Variants in ABR observed in about 807,000 individuals in gnomAD.
The protein encoded by ABR is ABR activator of RhoGEF and GTPase.
A neutral mutation model predicts 107.2 loss-of-function variants in ABR; 35 were observed. The observed-to-expected ratio is 0.33, with a 90% CI of 0.25 to 0.43. The LOEUF (loss-of-function observed/expected upper bound fraction) is 0.43. Among genes scored for constraint, ABR ranks in the 20% least tolerant of loss-of-function variants. The pLI, the probability that ABR is intolerant of heterozygous loss-of-function variation, is 1.00. For missense variants in ABR, 815 were observed against 1,115.2 expected (o/e 0.73, Z 3.83); for synonymous variants, 498 against 462.0 (o/e 1.08, Z -1.00).
At chr17:1,107,210 T>C (rs2038313533) in intron 2 of ABR, among the ~76,000 whole-genome samples, 1 of 152,194 alleles carries the variant, frequency 6.6e-6, no homozygotes, top group Non-Finnish European at 1.5e-5. Context: ...AGCAGCGTTT[T>C]CAGGTGTGAC....
chr17:1,125,393 C>T (rs774374815), intron 1 of ABR, 26 bp from the exon 2 acceptor site: 146 of 1,609,580 alleles, frequency 9.1e-5, no homozygotes, highest in Non-Finnish European at 1.2e-4. Flanking sequence ...AGAAAGGCCA[C>T]TGAGAATCCT....
intron 4 of ABR, among the ~76,000 whole-genome samples, chr17:1,086,502 C>CA (rs2036600316): frequency 7.1e-6 from 1 of 140,578 alleles, no homozygotes; most frequent in East Asian, 2.0e-4. Flanking sequence ...TACTTATACA[C>CA]TTTTTTTTTT....
In ABR at chr17:1,011,843, C is replaced by CA; in HGVS notation, c.2101+2dup. 1 of 1,570,130 alleles carries CA rather than the reference C, an allele frequency of 6.4e-7. No individual in the cohort carries two copies. Among genetic ancestry groups the CA allele is most frequent in the Non-Finnish European group, 8.7e-7 (1 of 1,150,678 alleles). On this transcript the variant is annotated splice_region_variant and intron_variant, in intron 19 of 22. Transcript: ENST00000302538. The surrounding 1 kb of genome is among the most constrained non-coding windows in gnomAD (Gnocchi z 4.8). ...CTGCCCCGGCTGGGCCTCCCAGACTCACTGGCATCGAAGACGGCCTTGAGC... is the reference window on the plus strand; with the variant it reads ...CTGCCCCGGCTGGGCCTCCCAGACTCAACTGGCATCGAAGACGGCCTTGAGC...
intron 1 of ABR, among the ~76,000 whole-genome samples, chr17:1,220,385 G>T (rs2043098246): frequency 6.6e-6 from 1 of 152,160 alleles, no homozygotes; most frequent in Non-Finnish European, 1.5e-5. Flanking sequence ...GTTATCTCAG[G>T]CCGACTGTAG....
intron 1 of ABR, among the ~76,000 whole-genome samples, chr17:1,159,018 G>A (rs970690474): frequency 2.5e-4 from 38 of 152,330 alleles, no homozygotes; most frequent in African/African-American, 7.7e-4. Flanking sequence ...TCATGCTTTC[G>A]TGCCTTGGAC....
intron 2 of ABR, among the ~76,000 whole-genome samples, chr17:1,101,474 C>T (rs2589487): frequency 0.4 from 61,121 of 151,984 alleles, 12,662 homozygotes; most frequent in East Asian, 0.54. Flanking sequence ...CCCTCTCTTC[C>T]TCTCCTCCTG....
chr17:1,013,188 G>C, intron 16 of ABR, 24 bp from the exon 17 acceptor site: 1 of 1,612,226 alleles, frequency 6.2e-7, no homozygotes, highest in East Asian at 2.2e-5. Flanking sequence ...ATGTGGGTGA[G>C]AGAGGTGCCA....
intron 2 of ABR, among the ~76,000 whole-genome samples, chr17:1,110,191 C>T (rs1356593975): frequency 6.6e-6 from 1 of 152,104 alleles, no homozygotes; most frequent in East Asian, 1.9e-4. Flanking sequence ...GCAGAACCCC[C>T]AACTGTGCAG....
chr17:1,083,052 G>A (rs1441225931), intron 5 of ABR, among the ~76,000 whole-genome samples: 1 of 151,042 alleles, frequency 6.6e-6, no homozygotes, highest in East Asian at 1.9e-4. Flanking sequence ...TGAACCCAGG[G>A]GGTAGAGGTT....
intron 1 of ABR, among the ~76,000 whole-genome samples, chr17:1,141,350 T>C (rs2040276746): frequency 6.6e-6 from 1 of 152,152 alleles, no homozygotes; most frequent in South Asian, 2.1e-4. Flanking sequence ...GCAGAGGCTT[T>C]GGAATCACAC....
Position 1,037,984 on chromosome 17 carries a change from C to T in ABR, c.1791+12066G>A, listed in dbSNP as rs1445552180. On this transcript the variant is annotated intron_variant, in intron 16 of 22. Coordinates refer to ENST00000302538, the MANE Select transcript of ABR (RefSeq NM_021962.5). This position sits in a 1 kb window ranked among gnomAD's most constrained non-coding sequence, Gnocchi z 4.6. ...CTTTTCTGCTGAGGACGCACCCCTG[C>T]CGTTTTTTCCAAATGAAATTTTATG... 6.6e-6 allele frequency among the ~76,000 whole-genome samples: 1 copy of T among 152,198 alleles called. No homozygotes were observed. Among genetic ancestry groups the T allele is most frequent in the East Asian group, 1.9e-4 (1 of 5,192 alleles).
intron 2 of ABR, among the ~76,000 whole-genome samples, chr17:1,113,447 C>G (rs949457747): frequency 1.3e-5 from 2 of 151,688 alleles, no homozygotes; most frequent in African/African-American, 4.8e-5. Flanking sequence ...CCACCAGGCC[C>G]GGCTAATTTT....
At chr17:1,203,184 C>A in intron 1 of ABR, among the ~76,000 whole-genome samples, 1 of 152,242 alleles carries the variant, frequency 6.6e-6, no homozygotes, top group South Asian at 2.1e-4. Flanking sequence ...TCGCGCCCAG[C>A]CCCATTCCTT....
At chr17:1,221,815 G>A (rs911109803) in intron 1 of ABR, among the ~76,000 whole-genome samples, 10 of 152,210 alleles carry the variant, frequency 6.6e-5, no homozygotes, top group African/African-American at 1.9e-4. Context: ...AGGGCTTGAC[G>A]GGGAAGCATC....
intron 1 of ABR, among the ~76,000 whole-genome samples, chr17:1,146,537 A>G (rs574515808): frequency 1.3e-5 from 2 of 152,262 alleles, no homozygotes; most frequent in African/African-American, 2.4e-5. Context: ...TGATTCTGCC[A>G]CTTCCCCTAG....
At chr17:1,191,344 T>TTTTTC (rs1159216030), upstream of ABR, among the ~76,000 whole-genome samples, 1 of 139,974 alleles carries the variant, frequency 7.1e-6, no homozygotes. Context: ...TGTTCCAGCA[T>TTTTTC]TTTTCTTTTC....
intron 1 of ABR, among the ~76,000 whole-genome samples, chr17:1,126,188 C>A (rs2039592714): frequency 6.6e-6 from 1 of 152,154 alleles, no homozygotes; most frequent in Non-Finnish European, 1.5e-5. Context: ...GTGTGCAGGT[C>A]AGCAGCTCAG....
intron 16 of ABR, among the ~76,000 whole-genome samples, chr17:1,047,292 T>G (rs968414335): frequency 6.6e-6 from 1 of 152,220 alleles, no homozygotes; most frequent in Non-Finnish European, 1.5e-5. Flanking sequence ...CTTCCTTAGA[T>G]GTGTGGCCGG....
At chr17:1,031,492 G>A (rs1183361434) in intron 16 of ABR, 3 of 752,766 alleles carry the variant, frequency 4.0e-6, no homozygotes, top group Admixed American at 4.4e-5. Flanking sequence ...ACTCCACGGA[G>A]GGGGCGGGAG....
Sources: gnomAD v4.1 joint callset for allele counts (sites outside exome capture counted in the v4.1 genomes callset) on GRCh38, gnomAD v4.1.1 for gene constraint, Gnocchi (gnomAD v3.1) non-coding constraint, MANE v1.5 for transcripts, NCBI Gene and HGNC (gene_info 2026-07-23, HGNC 2026-07-21) for gene names.